Variants in SYNPR observed in about 807,000 individuals in gnomAD.
The protein encoded by SYNPR is synaptoporin.
SYNPR carries 23 observed loss-of-function variants against 32.9 expected under a neutral mutation model. That is an observed-to-expected ratio of 0.70 (90% CI 0.50 to 0.99). The LOEUF (loss-of-function observed/expected upper bound fraction) is 0.99. SYNPR is among the 50% of genes least tolerant of loss of function. The pLI is 0.00. For missense variants in SYNPR, 318 were observed against 349.3 expected (o/e 0.91, Z 0.71); for synonymous variants, 146 against 135.9 (o/e 1.07, Z -0.52).
chr3:63,288,482 G>A (rs1225931471), intron 2 of SYNPR, among the ~76,000 whole-genome samples: 1 of 152,186 alleles, frequency 6.6e-6, no homozygotes, highest in Non-Finnish European at 1.5e-5. Context: ...GGGGATAGCT[G>A]AGTGGATTCA....
Position 63,494,813 on chromosome 3 carries a change from C to A in SYNPR, c.209+13857C>A, listed in dbSNP as rs551565465. Among the ~76,000 whole-genome samples the A allele has an allele frequency of 2.0e-5, 3 of 152,138 alleles. No homozygotes were observed. The East Asian group carries it at 5.8e-4, about 29-fold the overall frequency. On this transcript the variant is annotated intron_variant, in intron 3 of 5. Transcript: ENST00000478300. Reference sequence around the variant, plus strand: ...GTCTGGATCTGACTCACATCAAAGACCATGCCCTTCACCACCATACTGTAA... The same window carrying A: ...GTCTGGATCTGACTCACATCAAAGAACATGCCCTTCACCACCATACTGTAA...
chr3:63,370,873 C>A (rs556942080), intron 2 of SYNPR, among the ~76,000 whole-genome samples: 6 of 152,254 alleles, frequency 3.9e-5, no homozygotes, highest in Admixed American at 3.3e-4. Flanking sequence ...ACAGTGGATT[C>A]ATAAACCCAG....
chr3:63,315,079 G>A (rs916444242), intron 2 of SYNPR, among the ~76,000 whole-genome samples: 1 of 151,982 alleles, frequency 6.6e-6, no homozygotes, highest in Non-Finnish European at 1.5e-5. Flanking sequence ...TCTCTATACT[G>A]TGTCATTGGT....
At chr3:63,529,173 G>A (rs1461740245) in intron 3 of SYNPR, among the ~76,000 whole-genome samples, 2 of 152,124 alleles carry the variant, frequency 1.3e-5, no homozygotes, top group South Asian at 2.1e-4. Flanking sequence ...GGGACCCCTG[G>A]GGAAACCAAA....
chr3:63,456,717 A>G (rs562501231), intron 2 of SYNPR, among the ~76,000 whole-genome samples: 1 of 152,216 alleles, frequency 6.6e-6, no homozygotes, highest in African/African-American at 2.4e-5. Flanking sequence ...CTCTTTGGAA[A>G]GGAGCAGATC....
At chr3:63,585,504 AC>A (rs1286594278) in intron 4 of SYNPR, among the ~76,000 whole-genome samples, 1 of 151,550 alleles carries the variant, frequency 6.6e-6, no homozygotes, top group African/African-American at 2.4e-5. Flanking sequence ...TAACAACACA[AC>A]ATTTTGGGGG....
the SYNPR span, among the ~76,000 whole-genome samples, chr3:63,219,402 A>G: frequency 6.6e-6 from 1 of 152,178 alleles, no homozygotes; most frequent in Admixed American, 6.5e-5. Flanking sequence ...TTTATACATC[A>G]TGGAGAGTTT....
In SYNPR at chr3:63,525,751, C is replaced by A. The variant is rs979530513; in HGVS notation, c.210-30792C>A. ...AATTCTACCATCTCTTGAAGACAAG[C>A]CTGCCTGATGGAAGGGTTTGGCCAT... On this transcript the variant is annotated intron_variant, in intron 3 of 5. Transcript: ENST00000478300. Among the ~76,000 whole-genome samples the A allele has an allele frequency of 2.0e-5, 3 of 152,188 alleles. No individual in the cohort carries two copies. The East Asian group carries it at 5.8e-4, about 29-fold the overall frequency.
chr3:63,239,249 CAT>C (rs199742391), intron 1 of SYNPR, among the ~76,000 whole-genome samples: 164 of 117,594 alleles, frequency 1.4e-3, no homozygotes, highest in African/African-American at 4.9e-3. Flanking sequence ...TAAAGTGTGA[CAT>C]GTGTCACACA....
chr3:63,398,443 A>T (rs183576285), intron 2 of SYNPR, among the ~76,000 whole-genome samples: 164 of 152,226 alleles, frequency 1.1e-3, no homozygotes, highest in Non-Finnish European at 1.7e-3. Flanking sequence ...ACTTTTGGCC[A>T]GGCGCGGTGG....
At position 63,340,666 on chromosome 3, in the gene SYNPR, G is replaced by A. The variant is rs532349298; in HGVS notation, c.84+61924G>A. 1.1e-4 allele frequency among the ~76,000 whole-genome samples: 16 copies of A among 152,046 alleles called. 1 individual carries two copies. In the South Asian group the frequency reaches 2.1e-3, roughly 20 times the overall value. On this transcript the variant is annotated intron_variant, in intron 2 of 5. Coordinates refer to ENST00000478300, the MANE Select transcript of SYNPR (RefSeq NM_001130003.2). ...GATCTCCTGACCTCGTGATCTGCCCGCCTCGGCCTCCCAAAGTGCTGGGAT... is the reference window on the plus strand; with the variant it reads ...GATCTCCTGACCTCGTGATCTGCCCACCTCGGCCTCCCAAAGTGCTGGGAT...
intron 4 of SYNPR, among the ~76,000 whole-genome samples, chr3:63,586,540 T>C (rs1393721446): frequency 6.6e-6 from 1 of 151,886 alleles, no homozygotes; most frequent in Non-Finnish European, 1.5e-5. Flanking sequence ...TATTATGAGT[T>C]TCTTGTATCC....
intron 2 of SYNPR, among the ~76,000 whole-genome samples, chr3:63,302,782 A>G (rs1408765868): frequency 1.3e-5 from 2 of 151,954 alleles, no homozygotes; most frequent in Non-Finnish European, 2.9e-5. Flanking sequence ...ACTTAGAAAA[A>G]TTGATTAATT....
chr3:63,533,700 A>T (rs1702150749), intron 3 of SYNPR, among the ~76,000 whole-genome samples: 1 of 152,134 alleles, frequency 6.6e-6, no homozygotes, highest in Non-Finnish European at 1.5e-5. Context: ...TTGTAGTTCA[A>T]CTCGTGCATT....
the SYNPR span, among the ~76,000 whole-genome samples, chr3:63,208,722 C>T: frequency 1.3e-5 from 2 of 152,086 alleles, no homozygotes; most frequent in Non-Finnish European, 2.9e-5. Context: ...GGATCACAAC[C>T]CTTGTTGCAG....
intron 2 of SYNPR, among the ~76,000 whole-genome samples, chr3:63,369,463 T>C (rs1025941542): frequency 6.6e-6 from 1 of 152,198 alleles, no homozygotes; most frequent in Non-Finnish European, 1.5e-5. Flanking sequence ...ATAAAATCAA[T>C]TGAAAAGTTA....
Position 63,312,141 on chromosome 3 carries a change from CA to C in SYNPR, c.84+33402del, listed in dbSNP as rs1368186590. 2.6e-5 allele frequency among the ~76,000 whole-genome samples: 4 copies of C among 151,926 alleles called. No individual in the cohort carries two copies. The East Asian group carries it at 7.8e-4, about 30-fold the overall frequency. On this transcript the variant is annotated intron_variant, in intron 2 of 5. Transcript: ENST00000478300. ...GAGTCATAATAAATAATTCTAACAA[CA>C]AAGAATAATGTATACATTTAAAAAA... is the stretch of plus-strand genomic sequence containing the variant.
chr3:63,448,013 T>C (rs989460037), intron 2 of SYNPR, among the ~76,000 whole-genome samples: 1 of 152,158 alleles, frequency 6.6e-6, no homozygotes, highest in Non-Finnish European at 1.5e-5. Flanking sequence ...TATTTATTTA[T>C]TTATTTTTGA....
chr3:63,605,928 T>C (rs1013256930), intron 4 of SYNPR, among the ~76,000 whole-genome samples: 2 of 152,244 alleles, frequency 1.3e-5, no homozygotes, highest in Admixed American at 6.5e-5. Context: ...TAGCCTTATA[T>C]GATTTGTATT....
Sources: gnomAD v4.1 joint callset for allele counts (sites outside exome capture counted in the v4.1 genomes callset) on GRCh38, gnomAD v4.1.1 for gene constraint, MANE v1.5 for transcripts, NCBI Gene and HGNC (gene_info 2026-07-23, HGNC 2026-07-21) for gene names.